Variants in ZSWIM6 observed in about 807,000 individuals in gnomAD.
ZSWIM6 encodes zinc finger SWIM domain-containing protein 6.
A neutral mutation model predicts 113.2 loss-of-function variants in ZSWIM6; 9 were observed. That is an observed-to-expected ratio of 0.08 (90% CI 0.05 to 0.14). The LOEUF (loss-of-function observed/expected upper bound fraction) is 0.14. ZSWIM6 is among the 10% of genes least tolerant of loss of function. The pLI is 1.00. For synonymous variants in ZSWIM6, 611 were observed against 606.5 expected (o/e 1.01, Z -0.11); for missense variants, 1,162 against 1,552.2 (o/e 0.75, Z 4.22).
At chr5:61,530,015 C>CTAG in intron 7 of ZSWIM6, 37 bp from the exon 8 acceptor site, 2 of 1,513,618 alleles carry the variant, frequency 1.3e-6, no homozygotes, top group Non-Finnish European at 1.8e-6. Flanking sequence ...CATCTCCCTT[C>CTAG]TACTCCCCCA....
At chr5:61,411,649 G>A (rs1349865183) in intron 1 of ZSWIM6, among the ~76,000 whole-genome samples, 1 of 152,192 alleles carries the variant, frequency 6.6e-6, no homozygotes, top group Non-Finnish European at 1.5e-5. Flanking sequence ...TGGAGGCTAA[G>A]AAGTCCAAGA....
At chr5:61,505,470 C>T (rs183315517) in intron 4 of ZSWIM6, among the ~76,000 whole-genome samples, 1 of 152,094 alleles carries the variant, frequency 6.6e-6, no homozygotes, top group African/African-American at 2.4e-5. Context: ...TTTGATGTAT[C>T]TTTCATGTTG....
chr5:61,346,524 A>G (rs1345402100), intron 1 of ZSWIM6, among the ~76,000 whole-genome samples: 2 of 152,210 alleles, frequency 1.3e-5, no homozygotes, highest in African/African-American at 4.8e-5. Flanking sequence ...ATTGTAGAGT[A>G]CTGGATGTTA....
chr5:61,540,922 T>G (rs1178271288), intron 12 of ZSWIM6, among the ~76,000 whole-genome samples: 1 of 105,088 alleles, frequency 9.5e-6, no homozygotes, highest in Non-Finnish European at 2.0e-5. Flanking sequence ...GTGGGTTTTT[T>G]TTTTTTTTTT....
chr5:61,496,204 G>C (rs1296809162), intron 4 of ZSWIM6, among the ~76,000 whole-genome samples: 1 of 152,006 alleles, frequency 6.6e-6, no homozygotes, highest in African/African-American at 2.4e-5. Context: ...CAAATTCTTT[G>C]ATTTCAGTCC....
In ZSWIM6 at chr5:61,389,691, C is replaced by A. The variant is rs1384186502; in HGVS notation, c.676+56743C>A. On this transcript the variant is annotated intron_variant, in intron 1 of 13. Coordinates refer to ENST00000252744, the MANE Select transcript of ZSWIM6 (RefSeq NM_020928.2). The stretch of plus-strand genomic sequence containing the variant: ...CCAAAAAATCTTGAATCTCAGAATA[C>A]AATTTTGACAGATTTATTATGTGTT... 2.0e-5 allele frequency among the ~76,000 whole-genome samples: 3 copies of A among 151,626 alleles called. No individual in the cohort carries two copies. The South Asian group carries it at 6.3e-4, about 32-fold the overall frequency.
In ZSWIM6 at chr5:61,521,389, G is replaced by A; in HGVS notation, c.1460G>A (p.Ser487Asn). The stretch of plus-strand genomic sequence containing the variant: ...CCATGGGAAGATGGAAATCATGGCA[G>A]TGAATTACCCAACTTAACCAATGCT... ...VCPWEDGNHGSELPNLTNALP... is the reference protein window; with the variant it reads ...VCPWEDGNHGNELPNLTNALP... The change falls in exon 5 of 14, where the codon AGT (serine) becomes AAT (asparagine). Residue 487 changes from serine to asparagine, a missense_variant. Coordinates refer to ENST00000252744, the MANE Select transcript of ZSWIM6 (RefSeq NM_020928.2). 4.6e-6 allele frequency: 7 copies of A among 1,530,164 alleles called. No homozygotes were observed. Among genetic ancestry groups the A allele is most frequent in the Non-Finnish European group, 6.2e-6 (7 of 1,136,998 alleles). The allele number at this position is 1,530,164 out of a possible 1,614,324, so 94.8% of individuals were successfully genotyped here. A position where few individuals can be genotyped will look rare whatever the true frequency, so the allele number is the denominator to read the frequency against.
intron 1 of ZSWIM6, among the ~76,000 whole-genome samples, chr5:61,405,529 T>C (rs1746025669): frequency 6.6e-6 from 1 of 152,094 alleles, no homozygotes; most frequent in South Asian, 2.1e-4. Flanking sequence ...AGGTGGCATT[T>C]GAGCTGAGCC....
rs931029484 is a variant in ZSWIM6, at chr5:61,543,772, C to T, written c.3103C>T (p.Arg1035Trp). The change falls in exon 14 of 14, where the codon CGG becomes TGG. Residue 1035 changes from arginine (R) to tryptophan (W), a missense_variant. This residue lies in a region of ZSWIM6 where 620 missense variants were observed against 804.6 expected (regional missense o/e 0.77). Transcript: ENST00000252744. The surrounding 1 kb of genome is among the most constrained non-coding windows in gnomAD (Gnocchi z 4.3). ...CTATACACAGCTCTTTACAATAGCA[C>T]GGTACATGGAGCACCGCGGGTACCC... ...MSYTQLFTIA[R>W]YMEHRGYPMR... 2 of 1,551,792 alleles carry T rather than the reference C, an allele frequency of 1.3e-6. No individual in the cohort carries two copies. The highest frequency in any genetic ancestry group is 1.7e-6 in the Non-Finnish European group (2 of 1,147,012).
chr5:61,343,241 C>G (rs1579941717), intron 1 of ZSWIM6, among the ~76,000 whole-genome samples: 1 of 152,136 alleles, frequency 6.6e-6, no homozygotes, highest in African/African-American at 2.4e-5. Flanking sequence ...CTCTTACTAA[C>G]TGAATAAGCT....
At chr5:61,352,389 A>T (rs1178399297) in intron 1 of ZSWIM6, among the ~76,000 whole-genome samples, 1 of 152,246 alleles carries the variant, frequency 6.6e-6, no homozygotes, top group Non-Finnish European at 1.5e-5. Flanking sequence ...GGCTATCAGT[A>T]TAACCATTTG....
At position 61,391,191 on chromosome 5, in the gene ZSWIM6, G is replaced by A. The variant is rs925320687; in HGVS notation, c.676+58243G>A. 4.8e-6 allele frequency: 4 copies of A among 841,178 alleles called. No individual in the cohort carries two copies. The African/African-American group carries it at 5.0e-5, about 10-fold the overall frequency. 52.1% of individuals were successfully genotyped at this position (841,178 alleles called of 1,614,324 possible). ...GCCAACGACTGGTGACCCCTTTGTAGCCATTGCCCTTGGTCAACCTGATGA... is the reference window on the plus strand; with the variant it reads ...GCCAACGACTGGTGACCCCTTTGTAACCATTGCCCTTGGTCAACCTGATGA... On this transcript the variant is annotated intron_variant, in intron 1 of 13. Transcript: ENST00000252744.
chr5:61,541,843 A>G (rs1749748001), intron 12 of ZSWIM6, 41 bp from the exon 13 acceptor site: 1 of 1,493,696 alleles, frequency 6.7e-7, no homozygotes, highest in Admixed American at 2.0e-5. Flanking sequence ...TCATTGACTC[A>G]GGATAATTTT....
intron 1 of ZSWIM6, among the ~76,000 whole-genome samples, chr5:61,344,714 A>G (rs1310351749): frequency 1.3e-5 from 2 of 152,218 alleles, no homozygotes; most frequent in South Asian, 2.1e-4. Flanking sequence ...TATGTGTTAC[A>G]GCTGCTGCTT....
intron 1 of ZSWIM6, chr5:61,391,065 A>C (rs1422582299): frequency 1.4e-5 from 10 of 738,384 alleles, no homozygotes; most frequent in Non-Finnish European, 2.0e-5. Context: ...CTTTCTGCCA[A>C]ATGCATGCCA....
chr5:61,379,383 C>T (rs958674767), intron 1 of ZSWIM6, among the ~76,000 whole-genome samples: 4 of 152,016 alleles, frequency 2.6e-5, no homozygotes, highest in African/African-American at 9.7e-5. Context: ...TTTATTGCCT[C>T]TCTTTTCCTT....
intron 1 of ZSWIM6, among the ~76,000 whole-genome samples, chr5:61,410,737 T>A (rs536744346): frequency 2.6e-5 from 4 of 152,248 alleles, no homozygotes; most frequent in African/African-American, 9.6e-5. Flanking sequence ...TACTGTTACA[T>A]TGAACTCAAA....
intron 4 of ZSWIM6, among the ~76,000 whole-genome samples, chr5:61,500,207 A>C (rs1277827796): frequency 1.3e-5 from 2 of 151,494 alleles, no homozygotes; most frequent in African/African-American, 4.9e-5. Flanking sequence ...GCTCACCACA[A>C]TCTCTGCCTC....
At chr5:61,391,213 A>T in intron 1 of ZSWIM6, 1 of 884,272 alleles carries the variant, frequency 1.1e-6, no homozygotes, top group South Asian at 1.3e-5. Context: ...GGTCAACCTG[A>T]TGACGTCGAT....
Sources: gnomAD v4.1 joint callset for allele counts (sites outside exome capture counted in the v4.1 genomes callset) on GRCh38, gnomAD v4.1.1 for gene constraint, gnomAD v4.1.1 regional missense constraint, Gnocchi (gnomAD v3.1) non-coding constraint, MANE v1.5 for transcripts, NCBI Gene and HGNC (gene_info 2026-07-23, HGNC 2026-07-21) for gene names.